Variants in CNTRL observed in about 807,000 individuals in gnomAD.
The protein encoded by CNTRL is 110 kDa centrosomal protein.
In CNTRL, 233 loss-of-function variants were observed where a neutral mutation model predicts 303.7. The ratio of observed to expected loss-of-function variants is 0.77; its 90% CI spans 0.69 to 0.86. CNTRL has a LOEUF of 0.86. Among genes scored for constraint, CNTRL ranks in the 40% least tolerant of loss-of-function variants. CNTRL has a pLI of 0.00. For synonymous variants in CNTRL, 900 were observed against 922.2 expected (o/e 0.98, Z 0.44); for missense variants, 2,524 against 2,650.6 (o/e 0.95, Z 1.05).
At chr9:121,108,195 G>T (rs1053247012) in intron 8 of CNTRL, among the ~76,000 whole-genome samples, 200 bp downstream of exon 8, 1 of 152,122 alleles carries the variant, frequency 6.6e-6, no homozygotes, top group Admixed American at 6.5e-5. Flanking sequence ...GTCTTGAGCT[G>T]CATTATGTAC....
intron 14 of CNTRL, among the ~76,000 whole-genome samples, chr9:121,133,636 G>C (rs2051006304): frequency 6.6e-6 from 1 of 152,164 alleles, no homozygotes; most frequent in Non-Finnish European, 1.5e-5. Context: ...GCCCTGCTTC[G>C]GGTCGCCCTC....
rs777013192 is a variant in CNTRL, at chr9:121,107,963, C to T, written c.970C>T (p.Leu324Phe). 2 of 1,586,328 alleles carry T rather than the reference C, an allele frequency of 1.3e-6. No homozygotes were observed. The highest frequency in any genetic ancestry group is 3.9e-5 in the Admixed American group (2 of 51,294). The change falls in exon 8 of 44, where the codon CTC (leucine) becomes TTC (phenylalanine). Residue 324 changes from leucine to phenylalanine, a missense_variant. By Grantham distance (22) the Leu-to-Phe change is conservative. Coordinates refer to ENST00000373855, the MANE Select transcript of CNTRL (RefSeq NM_007018.6). ...GTTACAGAAACAGAGCTGTGAGGAA[C>T]TCAAGAGTGACTTAAACACAAAAAA... ...AMLQKQSCEE[L>F]KSDLNTKNEL...
At chr9:121,157,904 A>T in intron 29 of CNTRL, 24 bp downstream of exon 29, 1 of 1,613,814 alleles carries the variant, frequency 6.2e-7, no homozygotes, top group Non-Finnish European at 8.5e-7. Context: ...CTGTAGGGCT[A>T]CAAGGGGTTT....
chr9:121,141,618 G>A, intron 18 of CNTRL, 30 bp downstream of exon 18: 7 of 1,587,076 alleles, frequency 4.4e-6, no homozygotes, highest in Non-Finnish European at 6.0e-6. Flanking sequence ...CACCTGGAGG[G>A]AAGTGTTTGG....
intron 12 of CNTRL, among the ~76,000 whole-genome samples, chr9:121,122,821 T>G (rs1375226071): frequency 1.4e-4 from 22 of 152,276 alleles, no homozygotes; most frequent in Non-Finnish European, 5.9e-5. Context: ...ATGCCATGAC[T>G]TCAGGGTGCG....
chr9:121,152,563 TC>T lies in CNTRL; in HGVS notation c.4044del (p.Lys1349SerfsTer25). 6.2e-7 allele frequency: 1 copy of T among 1,614,058 alleles called. No homozygotes were observed. The highest frequency in any genetic ancestry group is 1.1e-5 in the South Asian group (1 of 91,086). On this transcript the variant is annotated frameshift_variant, in exon 26 of 44. Coordinates refer to ENST00000373855, the MANE Select transcript of CNTRL (RefSeq NM_007018.6). LOFTEE classifies it high-confidence loss of function. ...KKREERWMRASKRQSEKEMEE... is the reference protein window; with the variant it reads ...KKREERWMRAXKRQSEKEMEE... ...GCGGGAAGAAAGGTGGATGAGAGCA[TC>T]CAAGCGGCAGTCGGAGAAAGAAATG...
chr9:121,102,653 T>C (rs1354625588), intron 7 of CNTRL, among the ~76,000 whole-genome samples: 1 of 152,138 alleles, frequency 6.6e-6, no homozygotes, highest in East Asian at 1.9e-4. Flanking sequence ...AAAACCCCAT[T>C]GTCTCAGCCC....
At position 121,088,364 on chromosome 9, in the gene CNTRL, CA is replaced by C; in HGVS notation, c.41del (p.Lys14ArgfsTer17). 6.2e-7 allele frequency: 1 copy of C among 1,613,484 alleles called. No homozygotes were observed. The highest frequency in any genetic ancestry group is 8.5e-7 in the Non-Finnish European group (1 of 1,179,496). On this transcript the variant is annotated frameshift_variant, in exon 3 of 44. Coordinates refer to ENST00000373855, the MANE Select transcript of CNTRL (RefSeq NM_007018.6). LOFTEE classifies it high-confidence loss of function. ...TCTCAACAAAAAATATTCTCCAAAG[CA>C]AAGATACCATCATCATCTCACTCTC... ...KGSQQKIFSK[A>X]KIPSSSHSPI... is the part of the protein sequence containing the mutation.
chr9:121,113,580 G>A lies in CNTRL; in HGVS notation c.1201G>A (p.Glu401Lys). The change falls in exon 10 of 44, where the codon GAG (glutamate) becomes AAG (lysine). Residue 401 changes from glutamate (E) to lysine (K), a missense_variant. Glu to Lys is a moderately conservative substitution (Grantham distance 56). Transcript: ENST00000373855. ...SRYKRNMFATESYIIDSAQAV... is the reference protein window; with the variant it reads ...SRYKRNMFATKSYIIDSAQAV... ...ATACAAGAGAAATATGTTTGCCACAGAGAGTTATATTATTGACAGTGCTCA... is the reference window on the plus strand; with the variant it reads ...ATACAAGAGAAATATGTTTGCCACAAAGAGTTATATTATTGACAGTGCTCA... The A allele has an allele frequency of 1.2e-6, 2 of 1,609,272 alleles. No individual in the cohort carries two copies. Among genetic ancestry groups the A allele is most frequent in the Non-Finnish European group, 1.7e-6 (2 of 1,178,624 alleles).
chr9:121,146,997 C>G (rs2051901519), intron 23 of CNTRL, among the ~76,000 whole-genome samples: 2 of 152,012 alleles, frequency 1.3e-5, no homozygotes, highest in African/African-American at 4.8e-5. Flanking sequence ...TGGGGTCATG[C>G]TTTTGTTTTT....
chr9:121,166,091 A>T lies in CNTRL; in HGVS notation c.5582-16A>T. Reference sequence around the variant, plus strand: ...ACGTATGTATTTCTTATTTCATGAGAATGTCATTTCTTTAGAAAAACGAGA... The same window carrying T: ...ACGTATGTATTTCTTATTTCATGAGTATGTCATTTCTTTAGAAAAACGAGA... On this transcript the variant is annotated splice_polypyrimidine_tract_variant and intron_variant, in intron 35 of 43. Coordinates refer to ENST00000373855, the MANE Select transcript of CNTRL (RefSeq NM_007018.6). 1 of 1,587,898 alleles carries T rather than the reference A, an allele frequency of 6.3e-7. No individual in the cohort carries two copies.
At chr9:121,104,916 G>T (rs1235385041) in intron 7 of CNTRL, among the ~76,000 whole-genome samples, 3 of 151,994 alleles carry the variant, frequency 2.0e-5, no homozygotes, top group Non-Finnish European at 4.4e-5. Flanking sequence ...CTCTTACGGG[G>T]TCAGGCTGGT....
rs1564258083 is a variant in CNTRL, at chr9:121,138,569, G to C, written c.2227G>C (p.Glu743Gln). 1.2e-6 allele frequency: 2 copies of C among 1,613,900 alleles called. No individual in the cohort carries two copies. The highest frequency in any genetic ancestry group is 4.5e-5 in the East Asian group (2 of 44,860). ...GTTAGAACAATCAGCCCTTCAAGCAGAACTTGAGAAGGAAAGGCAAGCCCT... is the reference window on the plus strand; with the variant it reads ...GTTAGAACAATCAGCCCTTCAAGCACAACTTGAGAAGGAAAGGCAAGCCCT... ...TQLEQSALQA[E>Q]LEKERQALKN... Residue 743 changes from glutamate (E) to glutamine (Q), a missense_variant, in exon 16 of 44, where the codon GAA becomes CAA. Coordinates refer to ENST00000373855, the MANE Select transcript of CNTRL (RefSeq NM_007018.6).
chr9:121,103,653 G>C (rs1265663387), intron 7 of CNTRL, among the ~76,000 whole-genome samples: 1 of 152,168 alleles, frequency 6.6e-6, no homozygotes, highest in Admixed American at 6.5e-5. Context: ...GCACCCATCT[G>C]ACAAAGGGCT....
chr9:121,173,133 C>A, intron 40 of CNTRL, 110 bp from the exon 41 acceptor site: 1 of 944,202 alleles, frequency 1.1e-6, no homozygotes, highest in Non-Finnish European at 1.6e-6. Context: ...TTCTAGTAAT[C>A]ATAGTAGTTG....
chr9:121,077,866 A>G (rs1174245757), intron 1 of CNTRL, among the ~76,000 whole-genome samples: 3 of 152,062 alleles, frequency 2.0e-5, no homozygotes, highest in African/African-American at 7.2e-5. Context: ...GGATCACTTG[A>G]GCCCAGGAAG....
intron 14 of CNTRL, among the ~76,000 whole-genome samples, chr9:121,128,171 C>G (rs7466784): frequency 1.0e-3 from 156 of 152,068 alleles, no homozygotes; most frequent in African/African-American, 3.4e-3. Context: ...GTAATGGGAT[C>G]GCTGGGTCAA....
chr9:121,151,547 C>A (rs561632445), intron 25 of CNTRL, among the ~76,000 whole-genome samples: 1 of 151,808 alleles, frequency 6.6e-6, no homozygotes, highest in East Asian at 1.9e-4. Flanking sequence ...TACGCCACCA[C>A]GCCTGGCTAA....
In CNTRL at chr9:121,144,053, G is replaced by T. The variant is rs2051686250; in HGVS notation, c.3022G>T (p.Val1008Phe). The change falls in exon 20 of 44, where the codon GTT (valine) becomes TTT (phenylalanine). Residue 1008 changes from valine to phenylalanine, a missense_variant. Coordinates refer to ENST00000373855, the MANE Select transcript of CNTRL (RefSeq NM_007018.6). ...CCAGCTGAAGTCCCTTCATGGAACT[G>T]TTATGAAAATTAACCAGGAGCGAGC... ...KDQLKSLHGT[V>F]MKINQERAEE... The T allele has an allele frequency of 2.5e-6, 4 of 1,612,400 alleles. No homozygotes were observed. Among genetic ancestry groups the T allele is most frequent in the Non-Finnish European group, 3.4e-6 (4 of 1,179,550 alleles).
Sources: gnomAD v4.1 joint callset for allele counts (sites outside exome capture counted in the v4.1 genomes callset) on GRCh38, gnomAD v4.1.1 for gene constraint, MANE v1.5 for transcripts, NCBI Gene and HGNC (gene_info 2026-07-23, HGNC 2026-07-21) for gene names.